KCNIP4: variants seen among roughly 807,000 people sequenced by gnomAD.
KCNIP4 encodes potassium voltage-gated channel interacting protein 4.
KCNIP4 carries 12 observed loss-of-function variants against 34.0 expected under a neutral mutation model. That is an observed-to-expected ratio of 0.35 (90% CI 0.23 to 0.57). The LOEUF is 0.57. KCNIP4 is among the 20% of genes least tolerant of loss of function. The probability of loss-of-function intolerance (pLI) is 0.83; values close to 1 mark genes in which losing one functional copy is unlikely to be tolerated. For synonymous variants in KCNIP4, 124 were observed against 102.2 expected (o/e 1.21, Z -1.29); for missense variants, 238 against 311.7 (o/e 0.76, Z 1.78).
chr4:21,347,007 T>C (rs1717501179), intron 1 of KCNIP4, among the ~76,000 whole-genome samples: 1 of 152,174 alleles, frequency 6.6e-6, no homozygotes, highest in Non-Finnish European at 1.5e-5. Flanking sequence ...ACCAATATAA[T>C]GGTTAAGAAT....
At chr4:21,288,923 T>C (rs1303855518) in intron 1 of KCNIP4, among the ~76,000 whole-genome samples, 1 of 152,200 alleles carries the variant, frequency 6.6e-6, no homozygotes. Flanking sequence ...TTCATGGCTG[T>C]ATAGTATTCC....
chr4:20,842,767 G>A (rs543049816), intron 3 of KCNIP4, among the ~76,000 whole-genome samples: 1 of 152,238 alleles, frequency 6.6e-6, no homozygotes, highest in Admixed American at 6.5e-5. Context: ...GACAGTGACA[G>A]CAGCGTGTGA....
In KCNIP4 at chr4:21,737,938, A is replaced by C. The variant is rs187428414; in HGVS notation, c.61+210633T>G. ...TCTCTACTAAAAACACACACACACA[A>C]AAAAAATTAGTGGGGCATGGTGGCA... On this transcript the variant is annotated intron_variant, in intron 1 of 8. Coordinates refer to ENST00000382152, the MANE Select transcript of KCNIP4 (RefSeq NM_025221.6). Among the ~76,000 whole-genome samples, 607 of 151,356 alleles carry C rather than the reference A, an allele frequency of 4.0e-3. 7 individuals are homozygous for C. The highest frequency in any genetic ancestry group is 0.017 in the East Asian group (88 of 5,108).
chr4:21,606,871 T>C (rs1268704261), intron 1 of KCNIP4, among the ~76,000 whole-genome samples: 1 of 152,100 alleles, frequency 6.6e-6, no homozygotes, highest in Non-Finnish European at 1.5e-5. Flanking sequence ...ATGCCTTCCA[T>C]GTTGAAAGCC....
chr4:21,629,627 G>T (rs911601871), intron 1 of KCNIP4, among the ~76,000 whole-genome samples: 1 of 152,082 alleles, frequency 6.6e-6, no homozygotes, highest in Non-Finnish European at 1.5e-5. Context: ...AAATAAAACT[G>T]CATGATGTCA....
chr4:21,648,230 C>T (rs992269020), intron 1 of KCNIP4, among the ~76,000 whole-genome samples: 2 of 152,022 alleles, frequency 1.3e-5, no homozygotes, highest in African/African-American at 4.8e-5. Context: ...CCCTGCAAAA[C>T]GAGGTAAACC....
At chr4:21,702,510 A>G (rs1381910890) in intron 1 of KCNIP4, among the ~76,000 whole-genome samples, 1 of 152,196 alleles carries the variant, frequency 6.6e-6, no homozygotes, top group Non-Finnish European at 1.5e-5. Flanking sequence ...AAATGGAAAA[A>G]TTCCTTAAAA....
chr4:20,913,544 A>G (rs934743941), intron 1 of KCNIP4, among the ~76,000 whole-genome samples: 1 of 152,232 alleles, frequency 6.6e-6, no homozygotes, highest in Non-Finnish European at 1.5e-5. Context: ...TATGTGAATT[A>G]TATCTCAATT....
intron 1 of KCNIP4, among the ~76,000 whole-genome samples, chr4:21,411,805 TC>T (rs1378426171): frequency 6.6e-6 from 1 of 151,980 alleles, no homozygotes; most frequent in African/African-American, 2.4e-5. Flanking sequence ...GCCACTACAC[TC>T]CAGCCTGGGT....
At position 21,948,581 on chromosome 4, in the gene KCNIP4, G is replaced by C; in HGVS notation, c.51C>G (p.Ser17Arg). ...CTTATTGCATCCTACCGCCTGTAGA[G>C]CTGGCCTCCTCCAGCTGAGCCGAAA... ...ESISAQLEEA[S>R]STGGFLYAQN... is the part of the protein sequence containing the mutation. Residue 17 changes from serine (S) to arginine (R), a missense_variant, in exon 1 of 9, where the codon AGC becomes AGG. Transcript: ENST00000382152. 6.2e-7 allele frequency: 1 copy of C among 1,613,532 alleles called. No homozygotes were observed. The highest frequency in any genetic ancestry group is 1.1e-5 in the South Asian group (1 of 90,952).
intron 3 of KCNIP4, among the ~76,000 whole-genome samples, chr4:20,763,044 A>G (rs1755077638): frequency 6.6e-6 from 1 of 152,116 alleles, no homozygotes; most frequent in Non-Finnish European, 1.5e-5. Context: ...CGAGAACAGC[A>G]TGGGGGAACT....
chr4:21,750,597 C>T (rs987669388), intron 1 of KCNIP4, among the ~76,000 whole-genome samples: 1 of 152,128 alleles, frequency 6.6e-6, no homozygotes. Context: ...AAAACAAGTG[C>T]TACCATTTAT....
intron 3 of KCNIP4, among the ~76,000 whole-genome samples, chr4:20,798,411 T>A (rs991256230): frequency 1.3e-5 from 2 of 152,114 alleles, no homozygotes; most frequent in African/African-American, 4.8e-5. Context: ...TGTAATTATT[T>A]TGGCTGTCTC....
At chr4:21,353,224 C>A (rs1718199580) in intron 1 of KCNIP4, among the ~76,000 whole-genome samples, 1 of 152,058 alleles carries the variant, frequency 6.6e-6, no homozygotes, top group South Asian at 2.1e-4. Flanking sequence ...CTCTAAAAAC[C>A]AGAGCACCTC....
At chr4:21,609,887 T>C (rs970675922) in intron 1 of KCNIP4, among the ~76,000 whole-genome samples, 19 of 152,238 alleles carry the variant, frequency 1.2e-4, no homozygotes, top group African/African-American at 4.6e-4. Flanking sequence ...ATTAGGTGAA[T>C]GTCTTGATGC....
intron 2 of KCNIP4, among the ~76,000 whole-genome samples, chr4:20,853,270 G>A (rs183893745): frequency 4.5e-4 from 69 of 152,204 alleles, no homozygotes; most frequent in Middle Eastern, 3.4e-3. Flanking sequence ...CCAAAACAGC[G>A]TGGTACTGGT....
chr4:21,375,639 T>A (rs202006489), intron 1 of KCNIP4, among the ~76,000 whole-genome samples: 1 of 151,598 alleles, frequency 6.6e-6, no homozygotes, highest in African/African-American at 2.4e-5. Flanking sequence ...CGATCTCTGC[T>A]CACTGCAAGC....
At chr4:21,925,682 G>T (rs1461973615) in intron 1 of KCNIP4, among the ~76,000 whole-genome samples, 4 of 152,056 alleles carry the variant, frequency 2.6e-5, no homozygotes, top group Non-Finnish European at 5.9e-5. Flanking sequence ...AGGTCTCTAG[G>T]AAAGTTTAGA....
chr4:21,701,939 G>A (rs1316175724), intron 1 of KCNIP4, among the ~76,000 whole-genome samples: 1 of 152,036 alleles, frequency 6.6e-6, no homozygotes, highest in Non-Finnish European at 1.5e-5. Context: ...CCTGACCTCA[G>A]ATGATCTGCT....
Sources: allele counts gnomAD v4.1 joint callset (sites outside exome capture counted in the v4.1 genomes callset), GRCh38; gene constraint gnomAD v4.1.1; transcripts MANE v1.5; gene names NCBI Gene and HGNC (gene_info 2026-07-23, HGNC 2026-07-21).